The following MDGA1 variants were observed in gnomAD, a reference collection of about 807,000 sequenced individuals.
The protein encoded by MDGA1 is MAM domain-containing glycosylphosphatidylinositol anchor protein 1.
A neutral mutation model predicts 101.5 loss-of-function variants in MDGA1; 54 were observed. The observed-to-expected ratio is 0.53, with a 90% CI of 0.43 to 0.67. MDGA1 has a LOEUF of 0.67. Among genes scored for constraint, MDGA1 ranks in the 30% least tolerant of loss-of-function variants. The pLI is 0.00. For missense variants in MDGA1, 1,083 were observed against 1,323.8 expected, an observed-to-expected ratio of 0.82 and a Z score of 2.82; for synonymous variants, 533 against 558.3, an observed-to-expected ratio of 0.95 and a Z score of 0.64.
intron 2 of MDGA1, among the ~76,000 whole-genome samples, chr6:37,659,409 C>T (rs1312104392): frequency 6.6e-6 from 1 of 152,168 alleles, no homozygotes; most frequent in Non-Finnish European, 1.5e-5. Context: ...ACATTAGTCA[C>T]TCAACAAATT....
At chr6:37,656,831 C>T (rs1761499937) in intron 3 of MDGA1, among the ~76,000 whole-genome samples, 1 of 152,224 alleles carries the variant, frequency 6.6e-6, no homozygotes, top group South Asian at 2.1e-4. Context: ...TGTGACCCAC[C>T]TAAGTCCCTT....
intron 1 of MDGA1, among the ~76,000 whole-genome samples, chr6:37,690,585 T>C (rs1320803964): frequency 6.6e-6 from 1 of 152,136 alleles, no homozygotes; most frequent in Non-Finnish European, 1.5e-5. Context: ...GAGACCATCC[T>C]GGCTAACATG....
intron 1 of MDGA1, among the ~76,000 whole-genome samples, chr6:37,668,014 G>A (rs574874158): frequency 6.6e-6 from 1 of 152,298 alleles, no homozygotes; most frequent in South Asian, 2.1e-4. Context: ...ACTTTGGGAG[G>A]CTGAGGCGGG....
intron 1 of MDGA1, among the ~76,000 whole-genome samples, chr6:37,686,142 A>T (rs978438176): frequency 1.3e-5 from 2 of 152,170 alleles, no homozygotes; most frequent in African/African-American, 4.8e-5. Context: ...AATGGCCAGT[A>T]AGATGTAAGC....
intron 1 of MDGA1, among the ~76,000 whole-genome samples, chr6:37,676,264 T>A (rs1419188054): frequency 6.6e-6 from 1 of 152,194 alleles, no homozygotes; most frequent in Non-Finnish European, 1.5e-5. Flanking sequence ...CACTGCCAGA[T>A]CCAGGCCTCC....
intron 11 of MDGA1, 116 bp downstream of exon 11, chr6:37,646,082 G>A (rs1581848566): frequency 1.3e-6 from 2 of 1,573,758 alleles, no homozygotes; most frequent in Non-Finnish European, 1.7e-6. Context: ...CTGGCCTGCA[G>A]TGACAAGGTA....
At position 37,642,182 on chromosome 6, in the gene MDGA1, T is replaced by TC. The variant is rs1342345755; in HGVS notation, c.2536+1626_2536+1627insG. Among the ~76,000 whole-genome samples the TC allele has an allele frequency of 5.2e-3, 737 of 141,232 alleles. 14 individuals carry two copies. The highest frequency in any genetic ancestry group is 0.015 in the African/African-American group (592 of 38,720). The allele number at this position is 141,232 out of a possible 152,430, so 92.7% of individuals were successfully genotyped here. A position where few individuals can be genotyped will look rare whatever the true frequency, so the allele number is the denominator to read the frequency against. ...ATATATATGTACTGGTTTCTTTCTT[T>TC]TTTTTTTTTTTTTTGAGACGGAGTC... On this transcript the variant is annotated intron_variant, in intron 14 of 16. Coordinates refer to ENST00000434837, the MANE Select transcript of MDGA1 (RefSeq NM_153487.4).
intron 7 of MDGA1, among the ~76,000 whole-genome samples, chr6:37,651,278 C>T (rs926601823): frequency 2.6e-5 from 4 of 152,244 alleles, no homozygotes; most frequent in Non-Finnish European, 4.4e-5. Context: ...CAACCCAACA[C>T]ATTGCCCAAT....
At chr6:37,675,193 G>T (rs368909430) in intron 1 of MDGA1, among the ~76,000 whole-genome samples, 6 of 152,160 alleles carry the variant, frequency 3.9e-5, no homozygotes, top group Non-Finnish European at 7.3e-5. Context: ...GCTGCTCAAC[G>T]GCATAGGGTG....
In MDGA1 at chr6:37,655,948, G is replaced by A. The variant is rs1260212037; in HGVS notation, c.383-52C>T. ...CAGGACTGGGTGACCCCAAGGTTGG[G>A]GGGCTCAGGCTCCTGGCAGCCCTTA... On this transcript the variant is annotated intron_variant, in intron 3 of 16. Coordinates refer to ENST00000434837, the MANE Select transcript of MDGA1 (RefSeq NM_153487.4). The surrounding 1 kb of genome is among the most constrained non-coding windows in gnomAD (Gnocchi z 5.1). 1.3e-6 allele frequency: 2 copies of A among 1,501,698 alleles called. No homozygotes were observed. Among genetic ancestry groups the A allele is most frequent in the African/African-American group, 2.8e-5 (2 of 72,390 alleles). The allele number at this position is 1,501,698 out of a possible 1,614,324, so 93.0% of individuals were successfully genotyped here.
chr6:37,654,961 G>A (rs772308470), intron 4 of MDGA1, 29 bp from the exon 5 acceptor site: 1 of 1,610,542 alleles, frequency 6.2e-7, no homozygotes, highest in Non-Finnish European at 8.5e-7. Flanking sequence ...CTGGGGTGAG[G>A]TGCCTGCTTG....
rs567667307 is a variant in MDGA1 at position 37,683,732 on chromosome 6, G to A, written c.67+13013C>T. 7.9e-5 allele frequency among the ~76,000 whole-genome samples: 12 copies of A among 152,342 alleles called. No homozygotes were observed. In the East Asian group the frequency reaches 1.5e-3, roughly 20 times the overall value. ...TGCCAGAGTTCCCCCAAGGGACACC[G>A]ATGTAACTGACTTGATAAGGCATCT... On this transcript the variant is annotated intron_variant, in intron 1 of 16. Transcript: ENST00000434837.
intron 9 of MDGA1, 80 bp from the exon 10 acceptor site, chr6:37,647,404 CAA>C (rs1761233621): frequency 2.4e-6 from 2 of 847,546 alleles, no homozygotes; most frequent in South Asian, 3.8e-5. Context: ...GAAAGGGAAA[CAA>C]GAGGATGAGG....
At chr6:37,654,200 C>A in intron 6 of MDGA1, 74 bp downstream of exon 6, 21 of 1,453,994 alleles carry the variant, frequency 1.4e-5, no homozygotes, top group Non-Finnish European at 1.8e-5. Context: ...TTTCCTAGTT[C>A]ATTGGTAGCT....
Position 37,650,409 on chromosome 6 carries a change from T to G in MDGA1, c.1313-4A>C, listed in dbSNP as rs748696698. Reference sequence around the variant, plus strand: ...GGCACACTGATGGTGGGCGGCACTGTGGGGGTGATGGTGATCAGCGGAGAG... The same window carrying G: ...GGCACACTGATGGTGGGCGGCACTGGGGGGGTGATGGTGATCAGCGGAGAG... On this transcript the variant is annotated splice_polypyrimidine_tract_variant and splice_region_variant and intron_variant, in intron 7 of 16. Transcript: ENST00000434837. 1.3e-4 allele frequency: 205 copies of G among 1,531,088 alleles called. No individual in the cohort carries two copies. Among genetic ancestry groups the G allele is most frequent in the Non-Finnish European group, 1.8e-4 (200 of 1,136,772 alleles). 94.8% of individuals were successfully genotyped at this position (1,531,088 alleles called of 1,614,324 possible). A position where few individuals can be genotyped will look rare whatever the true frequency, so the allele number is the denominator to read the frequency against.
rs750722580 is a variant in MDGA1 at position 37,644,620 on chromosome 6, T to A, written c.2278A>T (p.Ile760Phe). ...GTCAGGTCCTGGGTATAGCCACAGA[T>A]CTTCTCATCCTCAAAGTGGCAGGTG... ...DNTCHFEDEK[I>F]CGYTQDLTDN... is the part of the protein sequence containing the mutation. The change falls in exon 13 of 17, where the codon ATC (isoleucine) becomes TTC (phenylalanine). Residue 760 changes from isoleucine (I) to phenylalanine (F), a missense_variant. Around this residue, in one of 3 missense-constraint regions of MDGA1, gnomAD observed 657 missense variants for 771.4 expected, o/e 0.85. Transcript: ENST00000434837. 1.9e-6 allele frequency: 3 copies of A among 1,598,722 alleles called. No individual in the cohort carries two copies. The South Asian group carries it at 3.4e-5, about 18-fold the overall frequency.
At chr6:37,686,665 G>A (rs765068867) in intron 1 of MDGA1, among the ~76,000 whole-genome samples, 10 of 152,220 alleles carry the variant, frequency 6.6e-5, no homozygotes, top group Non-Finnish European at 1.5e-4. Flanking sequence ...GACCTCAGGA[G>A]ATCCACCCGC....
intron 1 of MDGA1, among the ~76,000 whole-genome samples, chr6:37,682,997 T>C (rs965654237): frequency 1.3e-5 from 2 of 152,242 alleles, no homozygotes; most frequent in African/African-American, 4.8e-5. Context: ...CCCCTAACAA[T>C]TGTTTCACCC....
chr6:37,662,685 G>A (rs1761654134), intron 2 of MDGA1, among the ~76,000 whole-genome samples: 1 of 151,918 alleles, frequency 6.6e-6, no homozygotes, highest in Admixed American at 6.6e-5. Context: ...TGTGAGGAAT[G>A]AGAAGATGCA....
Sources: gnomAD v4.1 joint callset for allele counts (sites outside exome capture counted in the v4.1 genomes callset) on GRCh38, gnomAD v4.1.1 for gene constraint, gnomAD v4.1.1 regional missense constraint, Gnocchi (gnomAD v3.1) non-coding constraint, MANE v1.5 for transcripts, NCBI Gene and HGNC (gene_info 2026-07-23, HGNC 2026-07-21) for gene names.